The following DIS3L variants were observed in gnomAD, a reference collection of about 807,000 sequenced individuals.
The protein encoded by DIS3L is DIS3-like exonuclease 1.
In DIS3L, 100 loss-of-function variants were observed where a neutral mutation model predicts 120.3. That is an observed-to-expected ratio of 0.83 (90% CI 0.71 to 0.98). The LOEUF (loss-of-function observed/expected upper bound fraction) is 0.98, where lower values mean the gene tolerates loss of function less well. Ranked by LOEUF, DIS3L falls within the 50% of genes least tolerant of loss-of-function variation. The pLI is 0.00. For synonymous variants in DIS3L, 426 were observed against 470.6 expected (o/e 0.91, Z 1.23); for missense variants, 1,196 against 1,314.2 (o/e 0.91, Z 1.39).
rs11419116 is a variant in DIS3L at position 66,298,179 on chromosome 15, CAAAAAAAAAAAAAAA to C, written c.293+3051_293+3065del. 1.2e-3 allele frequency among the ~76,000 whole-genome samples: 54 copies of C among 46,004 alleles called. 1 individual carries two copies. The highest frequency in any genetic ancestry group is 4.0e-3 in the African/African-American group (44 of 10,988). The allele number at this position is 46,004 out of a possible 152,430, so 30.2% of individuals were successfully genotyped here. A position where few individuals can be genotyped will look rare whatever the true frequency, so the allele number is the denominator to read the frequency against. ...GGGCAACAAAAGCAAGACTCCGTCT[CAAAAAAAAAAAAAAA>C]AAAAAAAAAAAAGATTGAAATTGTA... On this transcript the variant is annotated intron_variant, in intron 2 of 16. Coordinates refer to ENST00000319212, the MANE Select transcript of DIS3L (RefSeq NM_001143688.3).
Position 66,317,806 on chromosome 15 carries a change from C to T in DIS3L, c.995-643C>T, listed in dbSNP as rs544285030. ...ATAGTATCTGTGAATAGCCAGTGCA[C>T]TCTAGCCTGGGCAGCATAGTGAGAT... On this transcript the variant is annotated intron_variant, in intron 7 of 16. Coordinates refer to ENST00000319212, the MANE Select transcript of DIS3L (RefSeq NM_001143688.3). 2.0e-5 allele frequency among the ~76,000 whole-genome samples: 3 copies of T among 150,172 alleles called. No homozygotes were observed. The East Asian group carries it at 5.9e-4, about 29-fold the overall frequency.
Position 66,329,272 on chromosome 15 carries a change from C to T in DIS3L, c.2408C>T (p.Ser803Leu), listed in dbSNP as rs769490320. The part of the protein sequence containing the change: ...THFTSPIRRY[S>L]DIVVHRLLMA... ...TTTACTTCTCCAATAAGAAGATATTCAGATATTGTAGTACACCGCTTGTTA... is the reference window on the plus strand; with the variant it reads ...TTTACTTCTCCAATAAGAAGATATTTAGATATTGTAGTACACCGCTTGTTA... The change falls in exon 14 of 17, where the codon TCA (serine) becomes TTA (leucine). Residue 803 changes from serine to leucine, a missense_variant. Transcript: ENST00000319212. The T allele has an allele frequency of 1.2e-6, 2 of 1,612,480 alleles. No individual in the cohort carries two copies. Among genetic ancestry groups the T allele is most frequent in the South Asian group, 2.2e-5 (2 of 90,450 alleles).
At chr15:66,300,872 T>G (rs145978407) in intron 2 of DIS3L, among the ~76,000 whole-genome samples, 10 of 152,350 alleles carry the variant, frequency 6.6e-5, no homozygotes, top group African/African-American at 2.4e-4. Context: ...TGGCCCCAAA[T>G]GTACTCCATA....
Position 66,332,950 on chromosome 15 carries a change from A to G in DIS3L, c.2856+40A>G, listed in dbSNP as rs1347986720. On this transcript the variant is annotated intron_variant, in intron 16 of 16. Coordinates refer to ENST00000319212, the MANE Select transcript of DIS3L (RefSeq NM_001143688.3). ...CTATTAAGTATTATTAATATTTTAA[A>G]TGTAAGGAATAAATAATGTGATTTA... 3.2e-6 allele frequency: 5 copies of G among 1,578,504 alleles called. No individual in the cohort carries two copies. The South Asian group carries it at 5.9e-5, about 19-fold the overall frequency.
intron 5 of DIS3L, among the ~76,000 whole-genome samples, chr15:66,313,706 G>C (rs2092785729): frequency 6.6e-6 from 1 of 151,750 alleles, no homozygotes; most frequent in Admixed American, 6.6e-5. Context: ...CTCCTGCCTG[G>C]GTGACAGAGC....
At chr15:66,321,391 T>TA (rs1173388130) in intron 9 of DIS3L, among the ~76,000 whole-genome samples, 1 of 152,214 alleles carries the variant, frequency 6.6e-6, no homozygotes, top group Non-Finnish European at 1.5e-5. Context: ...TATGGTAAAT[T>TA]ACGGTATATT....
At chr15:66,318,334 G>A in intron 7 of DIS3L, 115 bp from the exon 8 acceptor site, 1 of 1,219,862 alleles carries the variant, frequency 8.2e-7, no homozygotes, top group Non-Finnish European at 1.1e-6. Context: ...GGATGTGCTT[G>A]AAAAAAAATA....
chr15:66,333,428 G>A lies in DIS3L; in HGVS notation c.*116G>A, dbSNP rs1016077792. On this transcript the variant is annotated 3_prime_UTR_variant, in exon 17 of 17. Transcript: ENST00000319212. ...TCGATCAGGACTGGGTAGCTATTTC[G>A]CATATATGTAAAATGTTCTCAGCCG... is the stretch of plus-strand genomic sequence containing the variant. 20 of 1,158,044 alleles carry A rather than the reference G, an allele frequency of 1.7e-5. No individual in the cohort carries two copies. The highest frequency in any genetic ancestry group is 5.0e-5 in the East Asian group (2 of 40,148). 71.7% of individuals were successfully genotyped at this position (1,158,044 alleles called of 1,614,324 possible). A position where few individuals can be genotyped will look rare whatever the true frequency, so the allele number is the denominator to read the frequency against.
chr15:66,311,605 A>G, intron 4 of DIS3L, 119 bp from the exon 5 acceptor site: 1 of 1,172,430 alleles, frequency 8.5e-7, no homozygotes, highest in South Asian at 1.3e-5. Flanking sequence ...AGTCCTGCTC[A>G]CTGAGCACCC....
At position 66,322,722 on chromosome 15, in the gene DIS3L, C is replaced by T. The variant is rs755785674; in HGVS notation, c.1362C>T (p.Pro454=). ...CEMPVNTPES[P]WKVSPEEEQK... is the part of the protein sequence containing the mutation. ...TGCCAGTAAACACACCAGAAAGTCC[C>T]TGGAAGGTGAGTCCTGAAGAGGAAC... Residue 454 remains proline (P), a synonymous_variant, in exon 10 of 17, where the codon CCC becomes CCT. Coordinates refer to ENST00000319212, the MANE Select transcript of DIS3L (RefSeq NM_001143688.3). 3 of 1,614,076 alleles carry T rather than the reference C, an allele frequency of 1.9e-6. No individual in the cohort carries two copies. Among genetic ancestry groups the T allele is most frequent in the East Asian group, 2.2e-5 (1 of 44,880 alleles).
Position 66,331,886 on chromosome 15 carries a change from T to G in DIS3L, c.2547T>G (p.His849Gln), listed in dbSNP as rs1006590643. 3.1e-6 allele frequency: 5 copies of G among 1,601,212 alleles called. No individual in the cohort carries two copies. In the Admixed American group the frequency reaches 8.6e-5, roughly 28 times the overall value. ...HINNRNQAAQ[H>Q]SQKQSTELFQ... ...TGTGCTTCTTACAGGCAGCACAGCA[T>G]TCTCAGAAGCAGTCTACTGAGCTCT... The change falls in exon 15 of 17, where the codon CAT becomes CAG. Residue 849 changes from histidine to glutamine, a missense_variant. Physicochemically the swap from His to Gln is conservative, Grantham distance 24 (BLOSUM62 0). Coordinates refer to ENST00000319212, the MANE Select transcript of DIS3L (RefSeq NM_001143688.3).
chr15:66,306,660 C>T (rs894998827), intron 2 of DIS3L, 164 bp from the exon 3 acceptor site: 45 of 945,404 alleles, frequency 4.8e-5, no homozygotes, highest in Non-Finnish European at 6.2e-5. Context: ...AATAGCAGCC[C>T]GATAGGACTG....
chr15:66,328,065 C>T (rs1012815097), intron 12 of DIS3L, among the ~76,000 whole-genome samples: 2 of 152,204 alleles, frequency 1.3e-5, no homozygotes, highest in Non-Finnish European at 2.9e-5. Context: ...ATGCCAGGCA[C>T]ATGGGACAAG....
Position 66,314,115 on chromosome 15 carries a change from C to A in DIS3L, c.812C>A (p.Ser271Ter). Residue 271 changes from serine (S) to a stop codon, truncating the protein, a stop_gained and splice_region_variant, in exon 6 of 17, where the codon TCA (serine) becomes TAA (stop). Transcript: ENST00000319212. LOFTEE classifies it high-confidence loss of function. ...CTTCAAGGAGCCAGCAGTAAAGATT[C>A]AGGTTCAGTATAAACCTTACATAAA... Reference protein sequence around the residue: ...VRLQGASSKDSDLVSDILIHG... With the variant: ...VRLQGASSKD 1 of 1,508,408 alleles carries A rather than the reference C, an allele frequency of 6.6e-7. No homozygotes were observed. The highest frequency in any genetic ancestry group is 2.6e-5 in the Admixed American group (1 of 38,556). The allele number at this position is 1,508,408 out of a possible 1,614,324, so 93.4% of individuals were successfully genotyped here. A position where few individuals can be genotyped will look rare whatever the true frequency, so the allele number is the denominator to read the frequency against.
intron 11 of DIS3L, 33 bp downstream of exon 11, chr15:66,323,618 C>G (rs2092908800): frequency 6.2e-7 from 1 of 1,605,722 alleles, no homozygotes; most frequent in East Asian, 2.2e-5. Context: ...CAAAGCTTGT[C>G]CTGGCCCTTC....
In DIS3L at chr15:66,332,035, A is replaced by G. The variant is rs2093004111; in HGVS notation, c.2681+15A>G. ...TTTATACCAAGGTATGTTACATCTA[A>G]TGCAATGGTGCATAAGAAATCATAG... On this transcript the variant is annotated intron_variant, in intron 15 of 16. Transcript: ENST00000319212. 1 of 1,599,742 alleles carries G rather than the reference A, an allele frequency of 6.3e-7. No homozygotes were observed. Among genetic ancestry groups the G allele is most frequent in the Admixed American group, 1.7e-5 (1 of 58,832 alleles).
At chr15:66,308,280 C>T (rs1175642111) in intron 3 of DIS3L, among the ~76,000 whole-genome samples, 1 of 152,174 alleles carries the variant, frequency 6.6e-6, no homozygotes, top group Non-Finnish European at 1.5e-5. Flanking sequence ...CCATATGGTT[C>T]CATATCAGAC....
At chr15:66,302,034 T>G (rs774383309) in intron 2 of DIS3L, among the ~76,000 whole-genome samples, 9 of 152,192 alleles carry the variant, frequency 5.9e-5, no homozygotes. Context: ...AACCCCTGGG[T>G]CTGGCTTGTG....
chr15:66,316,823 AAAAAAG>A (rs1396812464), intron 7 of DIS3L, among the ~76,000 whole-genome samples: 3 of 152,238 alleles, frequency 2.0e-5, no homozygotes, highest in Admixed American at 2.0e-4. Context: ...TCAAAAAAAG[AAAAAAG>A]AAAAAGAAAG....
Sources: allele counts gnomAD v4.1 joint callset (sites outside exome capture counted in the v4.1 genomes callset), GRCh38; gene constraint gnomAD v4.1.1; transcripts MANE v1.5; gene names NCBI Gene and HGNC (gene_info 2026-07-23, HGNC 2026-07-21).